The following BTBD6 variants were observed in gnomAD, a reference collection of about 807,000 sequenced individuals.
BTBD6 encodes BTB/POZ domain-containing protein 6.
Under a neutral mutation model 40.6 loss-of-function variants are expected in BTBD6, and 30 were observed. The ratio of observed to expected loss-of-function variants is 0.74; its 90% CI spans 0.55 to 1.00. The LOEUF is 1.00. BTBD6 is among the 50% of genes least tolerant of loss of function. The pLI, the probability that BTBD6 is intolerant of heterozygous loss-of-function variation, is 0.00. For synonymous variants in BTBD6, 378 were observed against 308.7 expected, an observed-to-expected ratio of 1.22 and a Z score of -2.35; for missense variants, 698 against 694.6, an observed-to-expected ratio of 1.00 and a Z score of -0.06.
In BTBD6 at chr14:105,249,146, T is replaced by C. The variant is rs1227400367; in HGVS notation, c.375-11T>C. 3 of 1,564,888 alleles carry C rather than the reference T, an allele frequency of 1.9e-6. No individual in the cohort carries two copies. Among genetic ancestry groups the C allele is most frequent in the Admixed American group, 3.6e-5 (2 of 55,436 alleles). On this transcript the variant is annotated splice_polypyrimidine_tract_variant and intron_variant, in intron 1 of 3. Coordinates refer to ENST00000392554, the MANE Select transcript of BTBD6 (RefSeq NM_001387567.1). ...CGCCCACGCCCCCAGCCCGTGCCTC[T>C]ACCTTTGCAGGAACGCGCTCATGTT...
rs1281349378 is a variant in BTBD6 at position 105,249,826 on chromosome 14, G to A, written c.771G>A (p.Thr257=). 10 of 1,613,372 alleles carry A rather than the reference G, an allele frequency of 6.2e-6. No individual in the cohort carries two copies. Among genetic ancestry groups the A allele is most frequent in the Non-Finnish European group, 1.7e-6 (2 of 1,180,050 alleles). ...QSRLFEEPEL[T]QRCWEVIDAQ... ...GGCTGTTTGAGGAGCCCGAGCTGACGCAGCGCTGCTGGGAGGTCATTGACG... is the reference window on the plus strand; with the variant it reads ...GGCTGTTTGAGGAGCCCGAGCTGACACAGCGCTGCTGGGAGGTCATTGACG... Residue 257 remains threonine, a synonymous_variant, in exon 4 of 4, where the codon ACG becomes ACA. Transcript: ENST00000392554.
chr14:105,248,940 G>A lies in BTBD6; in HGVS notation c.229G>A (p.Ala77Thr), dbSNP rs1371475856. ...CCTAGCCAACAGCAACGCCGGCGCC[G>A]CCGTGGGCAGGAAGGCCGGGCCGCG... ...ADLANSNAGA[A>T]VGRKAGPRSP... is the part of the protein sequence containing the mutation. Residue 77 changes from alanine (A) to threonine (T), a missense_variant, in exon 1 of 4, where the codon GCC (alanine) becomes ACC (threonine). By Grantham distance (58) the Ala-to-Thr change is moderately conservative. Coordinates refer to ENST00000392554, the MANE Select transcript of BTBD6 (RefSeq NM_001387567.1). The A allele has an allele frequency of 1.0e-6, 1 of 984,096 alleles. No homozygotes were observed. The highest frequency in any genetic ancestry group is 1.2e-6 in the Non-Finnish European group (1 of 830,640). 61.0% of individuals were successfully genotyped at this position (984,096 alleles called of 1,614,324 possible). A position where few individuals can be genotyped will look rare whatever the true frequency, so the allele number is the denominator to read the frequency against.
intron 3 of BTBD6, 72 bp downstream of exon 3, chr14:105,249,550 C>T: frequency 1.3e-6 from 2 of 1,592,588 alleles, no homozygotes; most frequent in Non-Finnish European, 1.7e-6. Flanking sequence ...TGAAGGGAAG[C>T]ACACAGGAGC....
At position 105,250,108 on chromosome 14, in the gene BTBD6, C is replaced by T; in HGVS notation, c.1053C>T (p.Ala351=). 6.2e-7 allele frequency: 1 copy of T among 1,612,970 alleles called. No homozygotes were observed. Among genetic ancestry groups the T allele is most frequent in the Non-Finnish European group, 8.5e-7 (1 of 1,180,034 alleles). Residue 351 remains alanine (A), a synonymous_variant, in exon 4 of 4, where the codon GCC becomes GCT. Transcript: ENST00000392554. ...TAGAGGAGTTTGCCAACGGCGCTGC[C>T]CAGTCAGACATCCTGACTCTGGAGG... ...MTLEEFANGA[A]QSDILTLEET...
chr14:105,248,601 C>A lies in BTBD6; in HGVS notation c.-111C>A, dbSNP rs1369485189. 1.0e-6 allele frequency: 1 copy of A among 961,642 alleles called. No individual in the cohort carries two copies. The highest frequency in any genetic ancestry group is 1.9e-5 in the African/African-American group (1 of 53,068). 59.6% of individuals were successfully genotyped at this position (961,642 alleles called of 1,614,324 possible). ...GGCGGGCGGGCGGGACGGCGCCCCCCGCGGCCGGGCCTGGCCGGGCTGCGC... is the reference window on the plus strand; with the variant it reads ...GGCGGGCGGGCGGGACGGCGCCCCCAGCGGCCGGGCCTGGCCGGGCTGCGC... On this transcript the variant is annotated 5_prime_UTR_variant, in exon 1 of 4. Coordinates refer to ENST00000392554, the MANE Select transcript of BTBD6 (RefSeq NM_001387567.1).
In BTBD6 at chr14:105,250,498, C is replaced by T. The variant is rs765156467; in HGVS notation, c.1443C>T (p.Thr481=). 3.1e-6 allele frequency: 5 copies of T among 1,614,028 alleles called. No homozygotes were observed. The East Asian group carries it at 6.7e-5, about 22-fold the overall frequency. The part of the protein sequence containing the change: ...FEHPVQVEQD[T]FYTASAVLDG... ...ACCCGGTCCAGGTTGAACAAGACAC[C>T]TTCTACACGGCCAGTGCCGTCCTGG... The change falls in exon 4 of 4, where the codon ACC becomes ACT. Residue 481 remains threonine (T), a synonymous_variant. Coordinates refer to ENST00000392554, the MANE Select transcript of BTBD6 (RefSeq NM_001387567.1).
chr14:105,249,573 C>T, intron 3 of BTBD6, 67 bp from the exon 4 acceptor site: 3 of 1,586,168 alleles, frequency 1.9e-6, no homozygotes, highest in Non-Finnish European at 2.6e-6. Flanking sequence ...ATGGACTCCT[C>T]TCCCAGGCCC....
chr14:105,248,590 A>C lies in BTBD6; in HGVS notation c.-122A>C, dbSNP rs1249202943. 57 of 887,260 alleles carry C rather than the reference A, an allele frequency of 6.4e-5. No homozygotes were observed. The highest frequency in any genetic ancestry group is 1.4e-4 in the Admixed American group (2 of 13,876). The allele number at this position is 887,260 out of a possible 1,614,324, so 55.0% of individuals were successfully genotyped here. A position where few individuals can be genotyped will look rare whatever the true frequency, so the allele number is the denominator to read the frequency against. ...GGGCTCGGGCGGGCGGGCGGGCGGG[A>C]CGGCGCCCCCCGCGGCCGGGCCTGG... is the stretch of plus-strand genomic sequence containing the variant. On this transcript the variant is annotated 5_prime_UTR_variant, in exon 1 of 4. Coordinates refer to ENST00000392554, the MANE Select transcript of BTBD6 (RefSeq NM_001387567.1).
In BTBD6 at chr14:105,251,010, T is replaced by C. The variant is rs1041680450; in HGVS notation, c.*338T>C. 3 of 284,104 alleles carry C rather than the reference T, an allele frequency of 1.1e-5. No individual in the cohort carries two copies. Among genetic ancestry groups the C allele is most frequent in the Non-Finnish European group, 2.1e-5 (3 of 141,436 alleles). 17.6% of individuals were successfully genotyped at this position (284,104 alleles called of 1,614,324 possible). A position where few individuals can be genotyped will look rare whatever the true frequency, so the allele number is the denominator to read the frequency against. ...GATTCTAAGTGGTTCCAAGCTTAAC[T>C]TGAGACCTTCCCTTCAAATCTAAAA... On this transcript the variant is annotated 3_prime_UTR_variant, in exon 4 of 4. Coordinates refer to ENST00000392554, the MANE Select transcript of BTBD6 (RefSeq NM_001387567.1).
In BTBD6 at chr14:105,248,568, CTCGGGCGGGCGG is replaced by C. The variant is rs1176494211; in HGVS notation, c.-143_-132del. On this transcript the variant is annotated 5_prime_UTR_variant, in exon 1 of 4. Transcript: ENST00000392554. Reference sequence around the variant, plus strand: ...GCACCGGCGCCGCGGCGGGTACGGGCTCGGGCGGGCGGGCGGGCGGGACGGCGCCCCCCGCGG... The same window carrying C: ...GCACCGGCGCCGCGGCGGGTACGGGCGCGGGCGGGACGGCGCCCCCCGCGG... The C allele has an allele frequency of 4.9e-5, 10 of 203,498 alleles. No individual in the cohort carries two copies. In the African/African-American group the frequency reaches 5.1e-4, roughly 10 times the overall value. The allele number at this position is 203,498 out of a possible 1,614,324, so 12.6% of individuals were successfully genotyped here.
Position 105,250,427 on chromosome 14 carries a change from T to G in BTBD6, c.1372T>G (p.Phe458Val), listed in dbSNP as rs1416593302. The G allele has an allele frequency of 3.7e-6, 6 of 1,613,858 alleles. No homozygotes were observed. Among genetic ancestry groups the G allele is most frequent in the Non-Finnish European group, 5.1e-6 (6 of 1,179,994 alleles). ...GVVLAQNLTKFMSDGSSNTFP... is the reference protein window; with the variant it reads ...GVVLAQNLTKVMSDGSSNTFP... Reference sequence around the variant, plus strand: ...GGTTCTGGCTCAGAACTTGACCAAGTTCATGTCAGACGGATCCAGTAACAC... The same window carrying G: ...GGTTCTGGCTCAGAACTTGACCAAGGTCATGTCAGACGGATCCAGTAACAC... The change falls in exon 4 of 4, where the codon TTC (phenylalanine) becomes GTC (valine). Residue 458 changes from phenylalanine to valine, a missense_variant. By Grantham distance (50) the Phe-to-Val change is conservative. Transcript: ENST00000392554.
rs1196940903 is a variant in BTBD6, at chr14:105,250,000, G to A, written c.945G>A (p.Arg315=). The A allele has an allele frequency of 2.5e-6, 4 of 1,612,642 alleles. No homozygotes were observed. Among genetic ancestry groups the A allele is most frequent in the Admixed American group, 3.3e-5 (2 of 60,008 alleles). The change falls in exon 4 of 4, where the codon AGG becomes AGA. Residue 315 remains arginine (R), a synonymous_variant. Transcript: ENST00000392554. ...VLNWAEAECK[R]QGLPITPRNK... Reference sequence around the variant, plus strand: ...ACTGGGCCGAGGCGGAGTGCAAGAGGCAGGGGCTGCCAATCACCCCACGAA... The same window carrying A: ...ACTGGGCCGAGGCGGAGTGCAAGAGACAGGGGCTGCCAATCACCCCACGAA...
Position 105,250,932 on chromosome 14 carries a change from G to C in BTBD6, c.*260G>C. ...AAGACAGGCCCCAGATCCCCTCCCA[G>C]TGGCACCCATGCCACCTGCTTTGAG... On this transcript the variant is annotated 3_prime_UTR_variant, in exon 4 of 4. Coordinates refer to ENST00000392554, the MANE Select transcript of BTBD6 (RefSeq NM_001387567.1). 2.1e-6 allele frequency: 1 copy of C among 484,256 alleles called. No individual in the cohort carries two copies. The allele number at this position is 484,256 out of a possible 1,614,324, so 30.0% of individuals were successfully genotyped here.
In BTBD6 at chr14:105,250,639, T is replaced by C; in HGVS notation, c.1584T>C (p.Gly528=). 1 of 1,612,536 alleles carries C rather than the reference T, an allele frequency of 6.2e-7. No homozygotes were observed. Among genetic ancestry groups the C allele is most frequent in the Non-Finnish European group, 8.5e-7 (1 of 1,179,356 alleles). ...GCACCAACGGGACTGGGGTCCAGGG[T>C]GGGCAGATCCCTGAGCTCATTTTCT... is the stretch of plus-strand genomic sequence containing the variant. ...SDSTNGTGVQ[G]GQIPELIFYA Residue 528 remains glycine (G), a synonymous_variant, in exon 4 of 4, where the codon GGT becomes GGC. Transcript: ENST00000392554.
chr14:105,250,250 T>C lies in BTBD6; in HGVS notation c.1195T>C (p.Tyr399His). The change falls in exon 4 of 4, where the codon TAC (tyrosine) becomes CAC (histidine). Residue 399 changes from tyrosine (Y) to histidine (H), a missense_variant. Transcript: ENST00000392554. Reference sequence around the variant, plus strand: ...GTGCCACCGATTCCAGTCTTCTGCCTACCGCAGCAACCAGTGGCGGTACCG... The same window carrying C: ...GTGCCACCGATTCCAGTCTTCTGCCCACCGCAGCAACCAGTGGCGGTACCG... ...QRCHRFQSSA[Y>H]RSNQWRYRGR... The C allele has an allele frequency of 1.2e-6, 2 of 1,613,088 alleles. No homozygotes were observed. Among genetic ancestry groups the C allele is most frequent in the African/African-American group, 2.7e-5 (2 of 75,058 alleles).
chr14:105,250,274 C>G lies in BTBD6; in HGVS notation c.1219C>G (p.Arg407Gly). The G allele has an allele frequency of 6.2e-7, 1 of 1,613,072 alleles. No homozygotes were observed. The highest frequency in any genetic ancestry group is 2.2e-5 in the East Asian group (1 of 44,888). The change falls in exon 4 of 4, where the codon CGC becomes GGC. Residue 407 changes from arginine (R) to glycine (G), a missense_variant. Coordinates refer to ENST00000392554, the MANE Select transcript of BTBD6 (RefSeq NM_001387567.1). ...CTACCGCAGCAACCAGTGGCGGTAC[C>G]GCGGGCGCTGCGACAGCATCCAGTT... ...SAYRSNQWRY[R>G]GRCDSIQFAV... is the part of the protein sequence containing the mutation.
In BTBD6 at chr14:105,248,988, C is replaced by G; in HGVS notation, c.277C>G (p.Pro93Ala). ...GCGCAGCCCGCCCAGCGCCCCCGCG[C>G]CAGCGCCGCCGCCGCCCGCGCCCGC... ...GPRSPPSAPAPAPPPPAPAPP... is the reference protein window; with the variant it reads ...GPRSPPSAPAAAPPPPAPAPP... The change falls in exon 1 of 4, where the codon CCA (proline) becomes GCA (alanine). Residue 93 changes from proline (P) to alanine (A), a missense_variant. Transcript: ENST00000392554. 1.0e-6 allele frequency: 1 copy of G among 991,092 alleles called. No individual in the cohort carries two copies. Among genetic ancestry groups the G allele is most frequent in the Non-Finnish European group, 1.2e-6 (1 of 835,188 alleles). 61.4% of individuals were successfully genotyped at this position (991,092 alleles called of 1,614,324 possible).
At position 105,249,020 on chromosome 14, in the gene BTBD6, C is replaced by A; in HGVS notation, c.309C>A (p.Pro103=). Reference sequence around the variant, plus strand: ...CGCCGCCGCCCGCGCCCGCGCCGCCCACACTCGGCAACAACCACCAGGAGA... The same window carrying A: ...CGCCGCCGCCCGCGCCCGCGCCGCCAACACTCGGCAACAACCACCAGGAGA... The part of the protein sequence containing the change: ...PAPPPPAPAP[P]TLGNNHQESP... Residue 103 remains proline, a synonymous_variant, in exon 1 of 4, where the codon CCC becomes CCA. Transcript: ENST00000392554. The A allele has an allele frequency of 8.7e-7, 1 of 1,149,294 alleles. No individual in the cohort carries two copies. Among genetic ancestry groups the A allele is most frequent in the Non-Finnish European group, 1.1e-6 (1 of 937,134 alleles). The allele number at this position is 1,149,294 out of a possible 1,614,324, so 71.2% of individuals were successfully genotyped here.
chr14:105,249,085 G>GGTGAGCCC lies in BTBD6; in HGVS notation c.374+4_374+11dup. ...TGCTGCCGCCCCACGCTGCGCGAGA[G>GGTGAGCCC]GTGAGCCCGTGCCCCGCGGCCCCCG... On this transcript the variant is annotated stop_gained and frameshift_variant and splice_region_variant. Coordinates refer to ENST00000392554, the MANE Select transcript of BTBD6 (RefSeq NM_001387567.1). LOFTEE classifies it high-confidence loss of function. 6.8e-7 allele frequency: 1 copy of GGTGAGCCC among 1,459,960 alleles called. No homozygotes were observed. The highest frequency in any genetic ancestry group is 1.5e-5 in the African/African-American group (1 of 67,124). 90.4% of individuals were successfully genotyped at this position (1,459,960 alleles called of 1,614,324 possible).
Sources: gnomAD v4.1 joint callset for allele counts on GRCh38, gnomAD v4.1.1 for gene constraint, MANE v1.5 for transcripts, NCBI Gene and HGNC (gene_info 2026-07-23, HGNC 2026-07-21) for gene names.